Variants in LRP1B observed in about 807,000 individuals in gnomAD.
LRP1B encodes the protein LDL receptor related protein 1B, also known as low-density lipoprotein receptor-related protein 1B.
In LRP1B, 217 loss-of-function variants were observed where a neutral mutation model predicts 556.6. That is an observed-to-expected ratio of 0.39 (90% CI 0.35 to 0.44). The LOEUF is 0.44. Ranked by LOEUF, LRP1B falls within the 20% of genes least tolerant of loss-of-function variation. The pLI is 1.00. For missense variants in LRP1B, 5,053 were observed against 5,620.8 expected (o/e 0.90, Z 3.23); for synonymous variants, 2,047 against 1,865.8 (o/e 1.10, Z -2.50).
chr2:141,331,199 C>T lies in LRP1B; in HGVS notation c.344-76558G>A, dbSNP rs146819265. On this transcript the variant is annotated intron_variant, in intron 3 of 90. Coordinates refer to ENST00000389484, the MANE Select transcript of LRP1B (RefSeq NM_018557.3). ...CCTATCCCTGATCCTTACCTACTGT[C>T]AGTCAAGTAGTCAAGTAGTTTCTAA... Among the ~76,000 whole-genome samples, 653 of 152,284 alleles carry T rather than the reference C, an allele frequency of 4.3e-3. 22 individuals are homozygous for T. The East Asian group carries it at 0.075, about 17-fold the overall frequency.
chr2:141,111,816 C>T lies in LRP1B; in HGVS notation c.1014-49543G>A, dbSNP rs531571214. On this transcript the variant is annotated intron_variant, in intron 7 of 90. Transcript: ENST00000389484. ...CTGTAATCCCAGCACTTTGGGAGGC[C>T]GAAGCAGGCGGATCACAAGGAGATC... 3.0e-3 allele frequency among the ~76,000 whole-genome samples: 458 copies of T among 151,948 alleles called. 2 individuals are homozygous for T. Among genetic ancestry groups the T allele is most frequent in the Non-Finnish European group, 5.3e-3 (362 of 67,980 alleles).
intron 49 of LRP1B, among the ~76,000 whole-genome samples, chr2:140,523,052 A>T (rs1361043866): frequency 2.0e-5 from 3 of 152,034 alleles, no homozygotes; most frequent in African/African-American, 7.2e-5. Context: ...AATCAGGATC[A>T]TCCTAATACC....
chr2:142,001,143 G>C (rs534069373), intron 1 of LRP1B, among the ~76,000 whole-genome samples: 2 of 152,186 alleles, frequency 1.3e-5, no homozygotes, highest in East Asian at 1.9e-4. Flanking sequence ...CCCCAACCCC[G>C]TGGAACTGCA....
intron 66 of LRP1B, among the ~76,000 whole-genome samples, chr2:140,414,698 G>A (rs1289910130): frequency 6.6e-6 from 1 of 152,134 alleles, no homozygotes; most frequent in Non-Finnish European, 1.5e-5. Flanking sequence ...ATCTTTGTAA[G>A]GTGAGGAGGT....
intron 3 of LRP1B, among the ~76,000 whole-genome samples, chr2:141,477,297 G>GAA (rs113202103): frequency 0.13 from 18,720 of 143,456 alleles, 1,576 homozygotes; most frequent in South Asian, 0.26. Flanking sequence ...GAATTGTTCT[G>GAA]GAAAAAAAAA....
At chr2:142,006,386 A>G (rs186694264) in intron 1 of LRP1B, among the ~76,000 whole-genome samples, 1 of 152,218 alleles carries the variant, frequency 6.6e-6, no homozygotes, top group Non-Finnish European at 1.5e-5. Context: ...CAAGCTTGCT[A>G]GTGATTGGCT....
intron 5 of LRP1B, among the ~76,000 whole-genome samples, chr2:141,234,173 G>GTT (rs146076579): frequency 1.8e-4 from 27 of 150,270 alleles, no homozygotes; most frequent in South Asian, 6.3e-4. Context: ...ATTGAAAGAG[G>GTT]TTTTTTTTTC....
intron 1 of LRP1B, among the ~76,000 whole-genome samples, chr2:141,958,269 GT>G (rs1174984162): frequency 5.3e-5 from 8 of 152,014 alleles, no homozygotes; most frequent in Non-Finnish European, 8.8e-5. Context: ...AGGCAGCTGG[GT>G]GGCACAGTAA....
At position 140,907,858 on chromosome 2, in the gene LRP1B, A is replaced by G. The variant is rs749658273; in HGVS notation, c.3520+19T>C. ...TTGTAGTTTTCATGGAGAAGTCAGT[A>G]CAATTAAACATGCAATACCACAGAG... On this transcript the variant is annotated intron_variant, in intron 22 of 90. Coordinates refer to ENST00000389484, the MANE Select transcript of LRP1B (RefSeq NM_018557.3). The G allele has an allele frequency of 3.7e-6, 6 of 1,610,036 alleles. No individual in the cohort carries two copies. The highest frequency in any genetic ancestry group is 5.1e-6 in the Non-Finnish European group (6 of 1,176,472).
chr2:140,901,475 A>G (rs1397359474), intron 23 of LRP1B, among the ~76,000 whole-genome samples: 1 of 152,210 alleles, frequency 6.6e-6, no homozygotes, highest in African/African-American at 2.4e-5. Flanking sequence ...GACAGGTTAC[A>G]TGAAATATTT....
chr2:141,085,558 A>AAG (rs932663565), intron 7 of LRP1B, among the ~76,000 whole-genome samples: 2 of 152,160 alleles, frequency 1.3e-5, no homozygotes, highest in Non-Finnish European at 2.9e-5. Context: ...CAGCCAAAGA[A>AAG]AGAGAGAGGC....
intron 3 of LRP1B, among the ~76,000 whole-genome samples, chr2:141,394,480 A>G (rs1037609287): frequency 3.9e-5 from 6 of 152,082 alleles, no homozygotes; most frequent in African/African-American, 1.4e-4. Flanking sequence ...TGTTAAAAAA[A>G]ATCTTTTGAA....
intron 2 of LRP1B, among the ~76,000 whole-genome samples, chr2:141,639,558 A>G (rs545289643): frequency 2.0e-5 from 3 of 150,994 alleles, no homozygotes; most frequent in South Asian, 4.2e-4. Context: ...GCTGGAAGTT[A>G]ATATCAGAAT....
intron 65 of LRP1B, 150 bp downstream of exon 65, chr2:140,444,180 T>C (rs1336483176): frequency 1.3e-6 from 1 of 743,232 alleles, no homozygotes; most frequent in African/African-American, 1.8e-5. Context: ...TTAGAGCTTC[T>C]ATCCCAGTTG....
At chr2:141,064,812 C>T (rs976034468) in intron 7 of LRP1B, among the ~76,000 whole-genome samples, 1 of 151,854 alleles carries the variant, frequency 6.6e-6, no homozygotes, top group African/African-American at 2.4e-5. Context: ...TTGGTAAACA[C>T]AAGCTAACAT....
At chr2:141,025,265 T>C (rs1376962956) in intron 11 of LRP1B, among the ~76,000 whole-genome samples, 8 of 152,018 alleles carry the variant, frequency 5.3e-5, no homozygotes, top group Admixed American at 1.3e-4. Context: ...AGCAAACAAA[T>C]TGATGAGTGG....
chr2:140,512,645 A>G (rs1689716249), intron 51 of LRP1B, among the ~76,000 whole-genome samples: 1 of 152,192 alleles, frequency 6.6e-6, no homozygotes. Flanking sequence ...AAAGATGGAA[A>G]TAAACTAGAC....
At chr2:140,667,094 C>A (rs1447139857) in intron 41 of LRP1B, among the ~76,000 whole-genome samples, 1 of 152,178 alleles carries the variant, frequency 6.6e-6, no homozygotes, top group Non-Finnish European at 1.5e-5. Flanking sequence ...AAGTTAGGCG[C>A]ATTGGCATGC....
chr2:140,345,859 C>CATAT (rs1291863840), intron 77 of LRP1B, among the ~76,000 whole-genome samples: 2 of 132,058 alleles, frequency 1.5e-5, no homozygotes, highest in African/African-American at 5.8e-5. Flanking sequence ...CACACACACA[C>CATAT]ACATATATAT....
Sources: gnomAD v4.1 joint callset for allele counts (sites outside exome capture counted in the v4.1 genomes callset) on GRCh38, gnomAD v4.1.1 for gene constraint, MANE v1.5 for transcripts, NCBI Gene and HGNC (gene_info 2026-07-23, HGNC 2026-07-21) for gene names.